Variants in BACH2 observed in about 807,000 individuals in gnomAD.
BACH2 encodes the protein BACH transcriptional regulator 2.
A neutral mutation model predicts 61.8 loss-of-function variants in BACH2; 5 were observed. The observed-to-expected ratio is 0.08, with a 90% confidence interval of 0.04 to 0.17. The LOEUF (loss-of-function observed/expected upper bound fraction) is 0.17, where lower values mean the gene tolerates loss of function less well. Ranked by LOEUF, BACH2 falls within the 10% of genes least tolerant of loss-of-function variation. The probability of loss-of-function intolerance (pLI) is 1.00; values close to 1 mark genes in which losing one functional copy is unlikely to be tolerated. For missense variants in BACH2, 824 were observed against 1,091.1 expected (o/e 0.76, Z 3.45); for synonymous variants, 446 against 440.1 (o/e 1.01, Z -0.17).
rs144559962 is a variant in BACH2, at chr6:90,229,149, G to A, written c.-274-22468C>T. Among the ~76,000 whole-genome samples, 89 of 152,272 alleles carry A rather than the reference G, an allele frequency of 5.8e-4. No homozygotes were observed. The East Asian group carries it at 0.015, about 25-fold the overall frequency. On this transcript the variant is annotated intron_variant, in intron 3 of 8. Transcript: ENST00000257749. ...GAGAGCTTTACAAACTCCCATTGCCGAGGTCACATCCCATACTAATAAAAT... is the reference window on the plus strand; with the variant it reads ...GAGAGCTTTACAAACTCCCATTGCCAAGGTCACATCCCATACTAATAAAAT...
intron 4 of BACH2, among the ~76,000 whole-genome samples, chr6:90,098,224 C>CT (rs1210930714): frequency 1.3e-5 from 2 of 152,158 alleles, no homozygotes; most frequent in African/African-American, 4.8e-5. Context: ...TGTCCCTTAG[C>CT]TATTCAGCAT....
intron 6 of BACH2, among the ~76,000 whole-genome samples, chr6:89,988,124 A>G (rs1257832555): frequency 6.6e-6 from 1 of 152,212 alleles, no homozygotes; most frequent in African/African-American, 2.4e-5. Context: ...AGAAGGCAGT[A>G]TTTTAAAAAA....
chr6:89,978,819 C>G (rs184596935), intron 6 of BACH2, among the ~76,000 whole-genome samples: 1 of 152,074 alleles, frequency 6.6e-6, no homozygotes, highest in Non-Finnish European at 1.5e-5. Flanking sequence ...ATAAAATGCA[C>G]GCTGTCCCTG....
At chr6:90,000,868 T>C (rs1777099727) in intron 6 of BACH2, among the ~76,000 whole-genome samples, 1 of 152,192 alleles carries the variant, frequency 6.6e-6, no homozygotes. Flanking sequence ...CTTGTGCCTC[T>C]TCTGGAGTCC....
intron 5 of BACH2, among the ~76,000 whole-genome samples, chr6:90,057,172 A>G (rs1780404012): frequency 6.6e-6 from 1 of 152,230 alleles, no homozygotes; most frequent in African/African-American, 2.4e-5. Context: ...CAAAAAATGA[A>G]TGAATCCAGG....
At chr6:90,051,635 T>C (rs906935659) in intron 5 of BACH2, among the ~76,000 whole-genome samples, 14 of 152,192 alleles carry the variant, frequency 9.2e-5, no homozygotes, top group Non-Finnish European at 1.3e-4. Context: ...ATACCCTACA[T>C]AGTATTTACA....
chr6:90,294,733 C>CG (rs1554263682), intron 1 of BACH2, among the ~76,000 whole-genome samples: 2 of 152,168 alleles, frequency 1.3e-5, no homozygotes, highest in African/African-American at 4.8e-5. Context: ...TTAAGCAAGA[C>CG]GCCCGCTGCC....
At chr6:90,093,987 G>A (rs1370174775) in intron 4 of BACH2, among the ~76,000 whole-genome samples, 1 of 152,158 alleles carries the variant, frequency 6.6e-6, no homozygotes, top group African/African-American at 2.4e-5. Context: ...GTATCTGAAT[G>A]GTTACTATTC....
At chr6:90,077,820 G>A (rs1293410278) in intron 5 of BACH2, among the ~76,000 whole-genome samples, 2 of 152,132 alleles carry the variant, frequency 1.3e-5, no homozygotes, top group Admixed American at 1.3e-4. Flanking sequence ...TTTGATAAAT[G>A]AAGAAACAGC....
At chr6:90,251,892 CATGATAT>C (rs1770822557) in intron 3 of BACH2, among the ~76,000 whole-genome samples, 2 of 152,144 alleles carry the variant, frequency 1.3e-5, no homozygotes, top group Non-Finnish European at 2.9e-5. Context: ...AGTGATGACA[CATGATAT>C]ACTTTCTGAG....
intron 4 of BACH2, among the ~76,000 whole-genome samples, chr6:90,131,555 G>C (rs919843199): frequency 7.2e-5 from 11 of 152,180 alleles, no homozygotes; most frequent in African/African-American, 2.7e-4. Flanking sequence ...GCAAGCTCCA[G>C]AAGGACAGAC....
At chr6:90,139,196 G>A (rs1784381768) in intron 4 of BACH2, among the ~76,000 whole-genome samples, 1 of 152,100 alleles carries the variant, frequency 6.6e-6, no homozygotes. Context: ...CTAAAATCTG[G>A]AATTTTTCTC....
intron 4 of BACH2, among the ~76,000 whole-genome samples, chr6:90,121,061 C>CA (rs1264248585): frequency 6.6e-6 from 1 of 152,162 alleles, no homozygotes; most frequent in Non-Finnish European, 1.5e-5. Flanking sequence ...TGCAGTCAGA[C>CA]TGTGTTGCAA....
chr6:90,028,704 C>T (rs888064990), intron 5 of BACH2, among the ~76,000 whole-genome samples: 2 of 152,100 alleles, frequency 1.3e-5, no homozygotes, highest in African/African-American at 4.8e-5. Context: ...AGTAAGCACC[C>T]ATTAGATACT....
At chr6:89,965,463 G>T (rs1774999941) in intron 6 of BACH2, among the ~76,000 whole-genome samples, 1 of 152,140 alleles carries the variant, frequency 6.6e-6, no homozygotes, top group African/African-American at 2.4e-5. Context: ...CAAACTTGCT[G>T]GGTTCTGACC....
intron 2 of BACH2, among the ~76,000 whole-genome samples, chr6:90,270,084 G>C (rs566406472): frequency 6.6e-6 from 1 of 152,250 alleles, no homozygotes; most frequent in South Asian, 2.1e-4. Context: ...TGGCTGAGTA[G>C]TATTTCATGA....
chr6:89,981,304 T>C (rs1401561559), intron 6 of BACH2, among the ~76,000 whole-genome samples: 1 of 149,678 alleles, frequency 6.7e-6, no homozygotes, highest in Non-Finnish European at 1.5e-5. Flanking sequence ...GCTAATTTTT[T>C]TTTTCTTTTT....
intron 1 of BACH2, among the ~76,000 whole-genome samples, chr6:90,285,752 A>G (rs1348281267): frequency 3.3e-5 from 5 of 152,292 alleles, no homozygotes; most frequent in Middle Eastern, 3.4e-3. Context: ...GGAGCTCTCC[A>G]AGGGCGGTGC....
chr6:90,130,932 G>A (rs1784056233), intron 4 of BACH2, among the ~76,000 whole-genome samples: 1 of 152,326 alleles, frequency 6.6e-6, no homozygotes, highest in Middle Eastern at 3.4e-3. Flanking sequence ...AGAGTTGTTT[G>A]TGAGAACTGA....
Sources: allele counts gnomAD v4.1 joint callset (sites outside exome capture counted in the v4.1 genomes callset), GRCh38; gene constraint gnomAD v4.1.1; transcripts MANE v1.5; gene names NCBI Gene and HGNC (gene_info 2026-07-23, HGNC 2026-07-21).